The following CALCR variants were observed in gnomAD, a reference collection of about 807,000 sequenced individuals.
CALCR encodes the protein calcitonin receptor.
CALCR carries 47 observed loss-of-function variants against 59.5 expected under a neutral mutation model. The ratio of observed to expected loss-of-function variants is 0.79; its 90% CI spans 0.63 to 1.01. The LOEUF (loss-of-function observed/expected upper bound fraction) is 1.01. Ranked by LOEUF, CALCR falls within the 50% of genes least tolerant of loss-of-function variation. The pLI is 0.00. For synonymous variants in CALCR, 213 were observed against 211.3 expected, an observed-to-expected ratio of 1.01 and a Z score of -0.07; for missense variants, 566 against 597.1, an observed-to-expected ratio of 0.95 and a Z score of 0.54.
At chr7:93,488,347 A>G (rs1358075105) in intron 2 of CALCR, among the ~76,000 whole-genome samples, 2 of 151,662 alleles carry the variant, frequency 1.3e-5, no homozygotes, top group Non-Finnish European at 3.0e-5. Flanking sequence ...AAACTGCATC[A>G]ACTGTTGTGC....
rs149907963 is a variant in CALCR at position 93,495,867 on chromosome 7, A to G, written c.-26-8860T>C. ...GGTTCAGTTACTGGTGGGACAACCGAATCTATACTGGTTTGTATCCACAAA... is the reference window on the plus strand; with the variant it reads ...GGTTCAGTTACTGGTGGGACAACCGGATCTATACTGGTTTGTATCCACAAA... On this transcript the variant is annotated intron_variant, in intron 2 of 13. Transcript: ENST00000426151. 245 of 1,522,168 alleles carry G rather than the reference A, an allele frequency of 1.6e-4. 2 individuals are homozygous for G. In the African/African-American group the frequency reaches 3.1e-3, roughly 19 times the overall value. The allele number at this position is 1,522,168 out of a possible 1,614,324, so 94.3% of individuals were successfully genotyped here. A position where few individuals can be genotyped will look rare whatever the true frequency, so the allele number is the denominator to read the frequency against.
intron 8 of CALCR, among the ~76,000 whole-genome samples, chr7:93,451,983 C>A (rs1288813849): frequency 6.6e-6 from 1 of 151,956 alleles, no homozygotes; most frequent in East Asian, 1.9e-4. Flanking sequence ...CACACAAGGA[C>A]ATAAACATGG....
rs1800102845 is a variant in CALCR, at chr7:93,451,212, C to T, written c.649-7455G>A. Among the ~76,000 whole-genome samples the T allele has an allele frequency of 2.0e-5, 3 of 151,970 alleles. No homozygotes were observed. The South Asian group carries it at 6.2e-4, about 31-fold the overall frequency. ...AGTTCACATTTTTAAATTATTTACA[C>T]TGCATGCAAATCATCCAGAACTTTT... On this transcript the variant is annotated intron_variant, in intron 8 of 13. Coordinates refer to ENST00000426151, the MANE Select transcript of CALCR (RefSeq NM_001742.4).
chr7:93,494,884 T>C (rs1801164812), intron 2 of CALCR, among the ~76,000 whole-genome samples: 1 of 151,336 alleles, frequency 6.6e-6, no homozygotes, highest in African/African-American at 2.4e-5. Flanking sequence ...AGAGAGTTAA[T>C]GAGAGTGATA....
At chr7:93,469,437 C>G (rs1800508273) in intron 6 of CALCR, among the ~76,000 whole-genome samples, 1 of 151,352 alleles carries the variant, frequency 6.6e-6, no homozygotes, top group Non-Finnish European at 1.5e-5. Flanking sequence ...ATCTTTTTTC[C>G]TAGTAATCAC....
At chr7:93,573,930 C>T (rs1305652583) in intron 2 of CALCR, among the ~76,000 whole-genome samples, 1 of 152,104 alleles carries the variant, frequency 6.6e-6, no homozygotes, top group Non-Finnish European at 1.5e-5. Flanking sequence ...TAATAAACAC[C>T]CTTTGGGAAA....
chr7:93,559,928 A>G (rs1055764118), intron 2 of CALCR: 4 of 152,112 alleles, frequency 2.6e-5, no homozygotes, highest in African/African-American at 9.7e-5. Flanking sequence ...ATGAAACTTA[A>G]TAACTGTTAA....
intron 9 of CALCR, among the ~76,000 whole-genome samples, chr7:93,441,176 A>G (rs1799894732): frequency 6.6e-6 from 1 of 152,298 alleles, no homozygotes; most frequent in East Asian, 1.9e-4. Context: ...TGTCACCGAC[A>G]AGAATACATT....
chr7:93,550,258 GGCAGGTAAATCACCTGAGGTCA>G (rs2116224287), intron 2 of CALCR, among the ~76,000 whole-genome samples: 1 of 152,108 alleles, frequency 6.6e-6, no homozygotes, highest in South Asian at 2.1e-4. Flanking sequence ...GGGAGGCTGA[GGCAGGTAAATCACCTGAGGTCA>G]GGAGTTCGAG....
Position 93,434,311 on chromosome 7 carries a change from A to G in CALCR, c.1150-17T>C. On this transcript the variant is annotated splice_polypyrimidine_tract_variant and intron_variant, in intron 12 of 13. Transcript: ENST00000426151. The stretch of plus-strand genomic sequence containing the variant: ...AAAGAAGCCCTAAAAAGGGAAGGAA[A>G]AATACAGTTGAAGTTATTTTTGTGT... 6.3e-7 allele frequency: 1 copy of G among 1,596,654 alleles called. No homozygotes were observed. The highest frequency in any genetic ancestry group is 8.6e-7 in the Non-Finnish European group (1 of 1,164,158).
chr7:93,521,385 G>T (rs1801761151), intron 2 of CALCR, among the ~76,000 whole-genome samples: 1 of 152,116 alleles, frequency 6.6e-6, no homozygotes, highest in Admixed American at 6.6e-5. Context: ...CTACTGGCAA[G>T]TAGGAACAAC....
chr7:93,517,992 T>C (rs1031803849), intron 2 of CALCR, among the ~76,000 whole-genome samples: 18 of 151,952 alleles, frequency 1.2e-4, no homozygotes, highest in African/African-American at 4.3e-4. Context: ...TGGGAAAAAA[T>C]GGGTTCCTTC....
chr7:93,510,853 C>T lies in CALCR; in HGVS notation c.-26-23846G>A, dbSNP rs184504236. On this transcript the variant is annotated intron_variant, in intron 2 of 13. Transcript: ENST00000426151. ...ACTCCATCCAGCCTGGACAACAGAG[C>T]GAGACCTTGTCTCTACAAAAACAAA... Among the ~76,000 whole-genome samples the T allele has an allele frequency of 2.6e-5, 4 of 152,046 alleles. No individual in the cohort carries two copies. In the East Asian group the frequency reaches 7.7e-4, roughly 29 times the overall value.
At chr7:93,462,086 C>T in intron 7 of CALCR, 1 of 1,502,530 alleles carries the variant, frequency 6.7e-7, no homozygotes, top group Non-Finnish European at 8.9e-7. Flanking sequence ...ATTTCCAATT[C>T]AAAGGAAAAA....
At chr7:93,478,973 T>C in intron 4 of CALCR, among the ~76,000 whole-genome samples, 1 of 151,840 alleles carries the variant, frequency 6.6e-6, no homozygotes, top group East Asian at 1.9e-4. Context: ...TACTACCTAA[T>C]TAATCCAAGC....
intron 2 of CALCR, among the ~76,000 whole-genome samples, chr7:93,567,285 T>A (rs756555823): frequency 6.6e-6 from 1 of 152,210 alleles, no homozygotes; most frequent in Non-Finnish European, 1.5e-5. Flanking sequence ...AGCCTCAGTG[T>A]GCAGGAGAAA....
intron 2 of CALCR, among the ~76,000 whole-genome samples, chr7:93,517,304 C>CTT (rs753908420): frequency 2.7e-5 from 4 of 147,164 alleles, no homozygotes; most frequent in Non-Finnish European, 6.0e-5. Context: ...GATTTGAGAA[C>CTT]TTTTTTTTTT....
intron 13 of CALCR, among the ~76,000 whole-genome samples, chr7:93,429,183 A>C (rs1799596639): frequency 6.6e-6 from 1 of 152,208 alleles, no homozygotes; most frequent in Non-Finnish European, 1.5e-5. Flanking sequence ...ATATAATAAC[A>C]GGCCCTTAGC....
At chr7:93,477,301 G>C (rs1338309990) in intron 5 of CALCR, among the ~76,000 whole-genome samples, 1 of 151,632 alleles carries the variant, frequency 6.6e-6, no homozygotes, top group East Asian at 2.0e-4. Context: ...ACTATTCACA[G>C]AGTTTTAGAA....
Sources: allele counts gnomAD v4.1 joint callset (sites outside exome capture counted in the v4.1 genomes callset), GRCh38; gene constraint gnomAD v4.1.1; transcripts MANE v1.5; gene names NCBI Gene and HGNC (gene_info 2026-07-23, HGNC 2026-07-21).